The following DOCK5 variants were observed in gnomAD, a reference collection of about 807,000 sequenced individuals.
The protein encoded by DOCK5 is dedicator of cytokinesis protein 5.
In DOCK5, 142 loss-of-function variants were observed where a neutral mutation model predicts 251.8. That is an observed-to-expected ratio of 0.56 (90% CI 0.49 to 0.65). The LOEUF (loss-of-function observed/expected upper bound fraction) is 0.65, where lower values mean the gene tolerates loss of function less well. Among genes scored for constraint, DOCK5 ranks in the 30% least tolerant of loss-of-function variants. The pLI is 0.00. For missense variants in DOCK5, 2,111 were observed against 2,312.3 expected, an observed-to-expected ratio of 0.91 and a Z score of 1.79; for synonymous variants, 842 against 835.5, an observed-to-expected ratio of 1.01 and a Z score of -0.13.
At chr8:25,210,043 T>TATATATATATATATATATATATATAAAA (rs1563309184) in intron 1 of DOCK5, among the ~76,000 whole-genome samples, 3 of 25,208 alleles carry the variant, frequency 1.2e-4, no homozygotes, top group African/African-American at 4.2e-4. Context: ...TAAATGTGTG[T>TATATATATATATATATATATATATAAAA]GTGTGTGTGT....
intron 1 of DOCK5, among the ~76,000 whole-genome samples, chr8:25,207,610 G>C (rs1456655031): frequency 6.6e-6 from 1 of 152,228 alleles, no homozygotes; most frequent in Non-Finnish European, 1.5e-5. Context: ...CAGTACATCT[G>C]TTGACAGCAT....
chr8:25,244,914 TC>T, intron 2 of DOCK5, among the ~76,000 whole-genome samples: 1 of 152,250 alleles, frequency 6.6e-6, no homozygotes, highest in East Asian at 1.9e-4. Flanking sequence ...TGTGAACTCT[TC>T]CCTTTTTCTT....
intron 2 of DOCK5, among the ~76,000 whole-genome samples, chr8:25,258,761 TG>T (rs1410580652): frequency 6.6e-6 from 1 of 152,164 alleles, no homozygotes; most frequent in African/African-American, 2.4e-5. Context: ...ATTCATCAGA[TG>T]TTTACTCAGT....
intron 28 of DOCK5, among the ~76,000 whole-genome samples, chr8:25,359,509 G>T (rs1263339131): frequency 1.3e-5 from 2 of 152,214 alleles, no homozygotes; most frequent in Admixed American, 6.5e-5. Context: ...CGTGTGGCCT[G>T]TTAGGAACCT....
At position 25,368,671 on chromosome 8, in the gene DOCK5, C is replaced by A; in HGVS notation, c.3384C>A (p.Phe1128Leu). The change falls in exon 33 of 52, where the codon TTC becomes TTA. Residue 1128 changes from phenylalanine (F) to leucine (L), a missense_variant. Physicochemically the swap from Phe to Leu is conservative, Grantham distance 22 (BLOSUM62 0). Transcript: ENST00000276440. ...VELRKATIPI[F>L]FDMMQCEFNF... ...TCCGGAAAGCCACAATCCCCATTTT[C>A]TTTGATATGATGCAGTGTGAGTTCA... 6.2e-7 allele frequency: 1 copy of A among 1,613,860 alleles called. No individual in the cohort carries two copies.
At chr8:25,190,893 C>G (rs1472202756) in intron 1 of DOCK5, among the ~76,000 whole-genome samples, 2 of 149,512 alleles carry the variant, frequency 1.3e-5, no homozygotes, top group African/African-American at 4.9e-5. Context: ...ACGCCATTCT[C>G]CTGCCTCAGC....
At chr8:25,265,603 G>C (rs1436933174) in intron 2 of DOCK5, among the ~76,000 whole-genome samples, 2 of 151,662 alleles carry the variant, frequency 1.3e-5, no homozygotes. Flanking sequence ...CATTATCTCA[G>C]GTCATTCTAC....
rs1480712452 is a variant in DOCK5, at chr8:25,411,283, G to C, written c.5598G>C (p.Glu1866Asp). Residue 1866 changes from glutamate to aspartate, a missense_variant, in exon 52 of 52, where the codon GAG (glutamate) becomes GAC (aspartate). This residue lies in a region of DOCK5 where 1,717 missense variants were observed against 1,892.4 expected (regional missense o/e 0.91). Coordinates refer to ENST00000276440, the MANE Select transcript of DOCK5 (RefSeq NM_024940.8). ...GGAAGTCTGGCATCCCTACTTCCGA[G>C]CCTGGATCCCAGTAAGGATCTTGCC... is the stretch of plus-strand genomic sequence containing the variant. ...KARKSGIPTS[E>D]PGSQ 1.9e-6 allele frequency: 3 copies of C among 1,558,628 alleles called. No homozygotes were observed. The Middle Eastern group carries it at 5.0e-4, about 262-fold the overall frequency.
intron 1 of DOCK5, among the ~76,000 whole-genome samples, chr8:25,207,842 A>G (rs919049568): frequency 6.6e-6 from 1 of 152,244 alleles, no homozygotes; most frequent in Non-Finnish European, 1.5e-5. Context: ...ATTATTTAAA[A>G]GAATACATTT....
At chr8:25,335,704 C>T (rs1586339394) in intron 21 of DOCK5, among the ~76,000 whole-genome samples, 2 of 152,116 alleles carry the variant, frequency 1.3e-5, no homozygotes, top group South Asian at 4.1e-4. Flanking sequence ...AAAGAGCAAC[C>T]TATAACCCCA....
chr8:25,275,570 C>A, intron 4 of DOCK5, 129 bp downstream of exon 4: 1 of 907,424 alleles, frequency 1.1e-6, no homozygotes, highest in Non-Finnish European at 1.6e-6. Context: ...CGTGGTGGCT[C>A]ACGCCTGTAA....
At chr8:25,317,625 T>G (rs866251202) in intron 14 of DOCK5, among the ~76,000 whole-genome samples, 13 of 152,288 alleles carry the variant, frequency 8.5e-5, no homozygotes, top group Middle Eastern at 6.8e-3. Context: ...TTGTTTGTTT[T>G]TTTGAGACGG....
intron 10 of DOCK5, among the ~76,000 whole-genome samples, chr8:25,302,962 T>C (rs979350930): frequency 6.6e-6 from 1 of 152,064 alleles, no homozygotes; most frequent in African/African-American, 2.4e-5. Flanking sequence ...TTTGGGAAGA[T>C]GAGAAAGTTC....
intron 1 of DOCK5, among the ~76,000 whole-genome samples, chr8:25,234,313 C>G (rs1250482168): frequency 6.6e-6 from 1 of 152,172 alleles, no homozygotes; most frequent in Non-Finnish European, 1.5e-5. Flanking sequence ...ATAACAGAGT[C>G]TTAGCTCAAC....
In DOCK5 at chr8:25,325,408, G is replaced by C; in HGVS notation, c.1764G>C (p.Leu588=). 6.2e-7 allele frequency: 1 copy of C among 1,613,940 alleles called. No homozygotes were observed. Among genetic ancestry groups the C allele is most frequent in the Non-Finnish European group, 8.5e-7 (1 of 1,179,864 alleles). ...AAGATGCTAAATTCTACCTGACCCT[G>C]CCTGGAACCAAGATGGAGATGGAAG... ...KMEDAKFYLT[L]PGTKMEMEEK... is the part of the protein sequence containing the mutation. Residue 588 remains leucine (L), a synonymous_variant, in exon 18 of 52, where the codon CTG becomes CTC. Transcript: ENST00000276440.
intron 1 of DOCK5, among the ~76,000 whole-genome samples, chr8:25,208,304 G>A (rs569096507): frequency 2.0e-5 from 3 of 152,212 alleles, no homozygotes; most frequent in East Asian, 1.9e-4. Context: ...CAGTGGAAAG[G>A]TTTGAGAGGA....
In DOCK5 at chr8:25,345,469, T is replaced by C. The variant is rs757797716; in HGVS notation, c.2618-6T>C. The C allele has an allele frequency of 6.2e-7, 1 of 1,613,456 alleles. No homozygotes were observed. Among genetic ancestry groups the C allele is most frequent in the Non-Finnish European group, 8.5e-7 (1 of 1,179,780 alleles). On this transcript the variant is annotated splice_region_variant and splice_polypyrimidine_tract_variant and intron_variant, in intron 25 of 51. Coordinates refer to ENST00000276440, the MANE Select transcript of DOCK5 (RefSeq NM_024940.8). Reference sequence around the variant, plus strand: ...GTGTGTGAGCTGTCTGTGTTTTCCTTCTCAGAGTGCAGAGAAGTGCTGCTG... The same window carrying C: ...GTGTGTGAGCTGTCTGTGTTTTCCTCCTCAGAGTGCAGAGAAGTGCTGCTG...
At chr8:25,382,597 A>G in intron 39 of DOCK5, 77 bp from the exon 40 acceptor site, 2 of 1,225,634 alleles carry the variant, frequency 1.6e-6, no homozygotes, top group Non-Finnish European at 2.3e-6. Context: ...GGAAACAACA[A>G]AACAAAGTCT....
chr8:25,305,021 C>G (rs1362253281), intron 11 of DOCK5: 1 of 152,348 alleles, frequency 6.6e-6, no homozygotes, highest in Non-Finnish European at 1.5e-5. Flanking sequence ...CCGTGTCACT[C>G]TGAAGAAGTG....
Sources: gnomAD v4.1 joint callset for allele counts (sites outside exome capture counted in the v4.1 genomes callset) on GRCh38, gnomAD v4.1.1 for gene constraint, gnomAD v4.1.1 regional missense constraint, MANE v1.5 for transcripts, NCBI Gene and HGNC (gene_info 2026-07-23, HGNC 2026-07-21) for gene names.